JUP: variants seen among roughly 807,000 people sequenced by gnomAD.
JUP encodes catenin (cadherin-associated protein), gamma 80kDa.
JUP carries 28 observed loss-of-function variants against 71.1 expected under a neutral mutation model. The observed-to-expected ratio is 0.39, with a 90% CI of 0.29 to 0.54. JUP has a LOEUF of 0.54. JUP is among the 20% of genes least tolerant of loss of function. The probability of loss-of-function intolerance (pLI) is 0.62; values close to 1 mark genes in which losing one functional copy is unlikely to be tolerated. For synonymous variants in JUP, 401 were observed against 438.9 expected (o/e 0.91, Z 1.08); for missense variants, 869 against 1,030.1 (o/e 0.84, Z 2.14).
At chr17:41,762,339 C>A (rs1555601741) in intron 8 of JUP, among the ~76,000 whole-genome samples, 1 of 151,406 alleles carries the variant, frequency 6.6e-6, no homozygotes, top group East Asian at 1.9e-4. Context: ...CCTCTGCCTG[C>A]ACCTCCCAAA....
chr17:41,768,272 GC>G, intron 4 of JUP, among the ~76,000 whole-genome samples: 1 of 152,298 alleles, frequency 6.6e-6, no homozygotes, highest in South Asian at 2.1e-4. Flanking sequence ...GGTCGTGGGT[GC>G]CTGTAATCCC....
At chr17:41,758,653 C>T (rs1914277076) in intron 9 of JUP, 62 bp downstream of exon 9, 2 of 1,588,778 alleles carry the variant, frequency 1.3e-6, no homozygotes, top group Admixed American at 1.8e-5. Flanking sequence ...TTCACACACA[C>T]ACCCACAGAG....
At chr17:41,779,919 TC>T (rs1323480392) in intron 1 of JUP, among the ~76,000 whole-genome samples, 1 of 150,564 alleles carries the variant, frequency 6.6e-6, no homozygotes, top group African/African-American at 2.4e-5. Flanking sequence ...CAAGCAATCC[TC>T]CTGCCTCAAC....
At chr17:41,757,829 T>A in intron 10 of JUP, 45 bp from the exon 11 acceptor site, 7 of 1,551,162 alleles carry the variant, frequency 4.5e-6, no homozygotes, top group Non-Finnish European at 4.4e-6. Flanking sequence ...TGGAAAGGGG[T>A]GAGGCAGGCC....
intron 3 of JUP, 74 bp from the exon 4 acceptor site, chr17:41,769,281 G>A (rs1183915617): frequency 2.6e-6 from 4 of 1,559,132 alleles, no homozygotes; most frequent in African/African-American, 1.4e-5. Context: ...GAGCTGAGGA[G>A]GGCCCCAGTC....
intron 8 of JUP, 22 bp downstream of exon 8, chr17:41,762,961 T>A (rs782195846): frequency 6.2e-7 from 1 of 1,609,296 alleles, no homozygotes; most frequent in South Asian, 1.1e-5. Context: ...GGGAGCTCCT[T>A]CCCCTCGCCT....
chr17:41,763,482 G>A (rs1915226456), intron 7 of JUP, among the ~76,000 whole-genome samples, 161 bp from the exon 8 acceptor site: 2 of 152,294 alleles, frequency 1.3e-5, no homozygotes, highest in South Asian at 2.1e-4. Flanking sequence ...GTGAGAGGGC[G>A]TTACTATCCT....
chr17:41,765,017 A>T lies in JUP; in HGVS notation c.960T>A (p.Arg320=). The T allele has an allele frequency of 6.2e-7, 1 of 1,614,146 alleles. No individual in the cohort carries two copies. The highest frequency in any genetic ancestry group is 8.5e-7 in the Non-Finnish European group (1 of 1,180,010). Residue 320 remains arginine (R), a synonymous_variant, in exon 6 of 14, where the codon CGT becomes CGA. Transcript: ENST00000393931. The stretch of plus-strand genomic sequence containing the variant: ...AGAGCAGCTTTTCATAACTGTAGTT[A>T]CGCATGATCTGCACGAGGGCCTGGG... The part of the protein sequence containing the change: ...GGPQALVQIM[R]NYSYEKLLWT...
chr17:41,759,264 G>A (rs7406546), intron 8 of JUP, among the ~76,000 whole-genome samples: 100,251 of 151,798 alleles, frequency 0.66, 33,544 homozygotes, highest in Non-Finnish European at 0.73. Context: ...TAGTAGAGAC[G>A]GGGTTTCGCC....
Position 41,769,083 on chromosome 17 carries a change from T to G in JUP, c.593A>C (p.Asp198Ala), listed in dbSNP as rs1916158675. 6.2e-7 allele frequency: 1 copy of G among 1,613,130 alleles called. No individual in the cohort carries two copies. The highest frequency in any genetic ancestry group is 8.5e-7 in the Non-Finnish European group (1 of 1,179,902). Residue 198 changes from aspartate to alanine, a missense_variant, in exon 4 of 14, where the codon GAC (aspartate) becomes GCC (alanine). Asp to Ala is a moderately radical substitution (Grantham distance 126). Coordinates refer to ENST00000393931, the MANE Select transcript of JUP (RefSeq NM_002230.4). The part of the protein sequence containing the change: ...AVVRTMQNTS[D>A]LDTARCTTSI... ...GGTGGTGCAGCGGGCTGTGTCCAGG[T>G]CGCTGGTATTCTGCATGGTACGCAC...
chr17:41,775,250 A>C (rs1016335692), intron 1 of JUP, among the ~76,000 whole-genome samples: 3 of 152,190 alleles, frequency 2.0e-5, no homozygotes, highest in Non-Finnish European at 2.9e-5. Flanking sequence ...AGACAGAAGA[A>C]GGCTGGGGGT....
At chr17:41,775,351 A>G (rs748166401) in intron 1 of JUP, among the ~76,000 whole-genome samples, 2 of 152,226 alleles carry the variant, frequency 1.3e-5, no homozygotes, top group Non-Finnish European at 2.9e-5. Flanking sequence ...TTCCTGCAAC[A>G]GGAAGGCTGG....
chr17:41,783,994 A>G (rs1165083647), intron 1 of JUP, among the ~76,000 whole-genome samples: 2 of 151,454 alleles, frequency 1.3e-5, no homozygotes, highest in African/African-American at 2.4e-5. Flanking sequence ...GTAGATAGGT[A>G]TTAGTATTCC....
rs782044013 is a variant in JUP at position 41,758,715 on chromosome 17, C to G, written c.1653G>C (p.Thr551=). 1.3e-6 allele frequency: 2 copies of G among 1,599,034 alleles called. 1 individual carries two copies. Among genetic ancestry groups the G allele is most frequent in the South Asian group, 2.2e-5 (2 of 88,980 alleles). Residue 551 remains threonine (T), a splice_region_variant and synonymous_variant, in exon 9 of 14, where the codon ACG becomes ACC. Transcript: ENST00000393931. ...TCAGAGGCACCACCAGCTCACATACCGTGTAGGGCTGCTGTGTGCCTGCAG... is the reference window on the plus strand; with the variant it reads ...TCAGAGGCACCACCAGCTCACATACGGTGTAGGGCTGCTGTGTGCCTGCAG... ...HVAAGTQQPY[T]DGVRMEEIVE...
At chr17:41,781,460 C>T (rs1597865900) in intron 1 of JUP, among the ~76,000 whole-genome samples, 1 of 152,364 alleles carries the variant, frequency 6.6e-6, no homozygotes, top group Middle Eastern at 3.4e-3. Context: ...GGAGAGTGGT[C>T]CATGAGCTTG....
intron 1 of JUP, among the ~76,000 whole-genome samples, chr17:41,776,987 A>G (rs1388691822): frequency 6.6e-6 from 1 of 152,194 alleles, no homozygotes; most frequent in Non-Finnish European, 1.5e-5. Flanking sequence ...AGCCAGGGAT[A>G]CAGTGCGAGA....
intron 2 of JUP, among the ~76,000 whole-genome samples, chr17:41,770,470 T>C (rs1916480835): frequency 6.6e-6 from 1 of 152,178 alleles, no homozygotes; most frequent in Non-Finnish European, 1.5e-5. Flanking sequence ...TGCATGGCTT[T>C]CCCACCTGGA....
At chr17:41,784,467 G>C (rs2047350405) in intron 1 of JUP, among the ~76,000 whole-genome samples, 1 of 152,146 alleles carries the variant, frequency 6.6e-6, no homozygotes, top group East Asian at 1.9e-4. Flanking sequence ...TACTTCCTCA[G>C]TATTATCTTT....
At chr17:41,760,475 G>T (rs1914635565) in intron 8 of JUP, among the ~76,000 whole-genome samples, 1 of 151,440 alleles carries the variant, frequency 6.6e-6, no homozygotes, top group South Asian at 2.1e-4. Context: ...AGCCAGGATG[G>T]TCTCGATCTC....
Sources: gnomAD v4.1 joint callset for allele counts (sites outside exome capture counted in the v4.1 genomes callset) on GRCh38, gnomAD v4.1.1 for gene constraint, MANE v1.5 for transcripts, NCBI Gene and HGNC (gene_info 2026-07-23, HGNC 2026-07-21) for gene names.